The following SULT2B1 variants were observed in gnomAD, a reference collection of about 807,000 sequenced individuals.
The protein encoded by SULT2B1 is sulfotransferase family 2B member 1, also known as sulfotransferase 2B1.
In SULT2B1, 16 loss-of-function variants were observed where a neutral mutation model predicts 33.2. That is an observed-to-expected ratio of 0.48 (90% CI 0.33 to 0.73). The LOEUF (loss-of-function observed/expected upper bound fraction) is 0.73. Among genes scored for constraint, SULT2B1 ranks in the 30% least tolerant of loss-of-function variants. SULT2B1 has a pLI of 0.02. For synonymous variants in SULT2B1, 186 were observed against 200.5 expected (o/e 0.93, Z 0.61); for missense variants, 500 against 506.0 (o/e 0.99, Z 0.11).
chr19:48,580,687 C>CTGAAG (rs538421719), intron 2 of SULT2B1, among the ~76,000 whole-genome samples: 62 of 152,226 alleles, frequency 4.1e-4, no homozygotes, highest in Non-Finnish European at 6.2e-4. Context: ...GTTGCCCAGG[C>CTGAAG]TGAAGTGTAG....
At chr19:48,558,189 C>T (rs1973126065) in intron 1 of SULT2B1, among the ~76,000 whole-genome samples, 1 of 152,106 alleles carries the variant, frequency 6.6e-6, no homozygotes. Context: ...GTGACTTGCC[C>T]AGGGTCACAC....
At chr19:48,571,779 G>A (rs957143084) in intron 1 of SULT2B1, among the ~76,000 whole-genome samples, 2 of 152,134 alleles carry the variant, frequency 1.3e-5, no homozygotes, top group Non-Finnish European at 2.9e-5. Flanking sequence ...ATGGTAGGCA[G>A]AGCAGGGGAA....
intron 1 of SULT2B1, among the ~76,000 whole-genome samples, chr19:48,555,573 TCTCTCTCTC>T (rs1973088558): frequency 6.6e-6 from 1 of 150,508 alleles, no homozygotes; most frequent in East Asian, 2.0e-4. Context: ...TCTCTCTCTC[TCTCTCTCTC>T]TCTCTCTTTT....
chr19:48,581,702 C>T (rs1488143715), intron 2 of SULT2B1, among the ~76,000 whole-genome samples: 37 of 151,332 alleles, frequency 2.4e-4, no homozygotes, highest in Non-Finnish European at 4.3e-4. Context: ...TGTGATCCAC[C>T]CGCCTCGGCC....
intron 2 of SULT2B1, among the ~76,000 whole-genome samples, chr19:48,581,534 G>A (rs1601102976): frequency 7.0e-6 from 1 of 142,950 alleles, no homozygotes; most frequent in African/African-American, 2.6e-5. Context: ...GCAGTGGCGC[G>A]ATCTCAGCTG....
chr19:48,592,040 T>A (rs1973650610), intron 4 of SULT2B1, among the ~76,000 whole-genome samples: 2 of 151,944 alleles, frequency 1.3e-5, no homozygotes, highest in African/African-American at 4.8e-5. Context: ...ATGCGTGTAA[T>A]CCCAGCACTT....
At position 48,553,291 on chromosome 19, in the gene SULT2B1, G is replaced by A. The variant is rs1334923614; in HGVS notation, c.71+968G>A. 2.6e-5 allele frequency among the ~76,000 whole-genome samples: 4 copies of A among 152,114 alleles called. No individual in the cohort carries two copies. In the East Asian group the frequency reaches 5.8e-4, roughly 22 times the overall value. ...ACCAAGACCTGTTCTCAGCCCAGTT[G>A]CCTCATTCCTTTCTTATTTTATTTT... On this transcript the variant is annotated intron_variant, in intron 1 of 6. Coordinates refer to ENST00000201586, the MANE Select transcript of SULT2B1 (RefSeq NM_177973.2).
At chr19:48,581,342 C>T (rs1973484134) in intron 2 of SULT2B1, among the ~76,000 whole-genome samples, 1 of 151,718 alleles carries the variant, frequency 6.6e-6, no homozygotes, top group South Asian at 2.1e-4. Context: ...CCGCACCTGG[C>T]CATATATTCC....
chr19:48,594,089 T>A (rs1973680216), intron 5 of SULT2B1, among the ~76,000 whole-genome samples: 1 of 151,416 alleles, frequency 6.6e-6, no homozygotes, highest in South Asian at 2.1e-4. Context: ...TGAAACCCCG[T>A]CTCTGCTAAA....
At chr19:48,555,078 C>T (rs1470961541) in intron 1 of SULT2B1, among the ~76,000 whole-genome samples, 3 of 151,952 alleles carry the variant, frequency 2.0e-5, no homozygotes, top group Admixed American at 2.0e-4. Context: ...CGTGCCACTG[C>T]GCCCAGTTAA....
intron 2 of SULT2B1, among the ~76,000 whole-genome samples, chr19:48,585,640 G>C (rs532938475): frequency 6.6e-6 from 1 of 151,418 alleles, no homozygotes; most frequent in South Asian, 2.1e-4. Context: ...TTGCACTCCA[G>C]CTTGGGCAAC....
chr19:48,595,527 C>T (rs1973699477), intron 5 of SULT2B1, among the ~76,000 whole-genome samples: 1 of 152,018 alleles, frequency 6.6e-6, no homozygotes, highest in East Asian at 1.9e-4. Context: ...GCAGCCGTGG[C>T]AATGGGCCCT....
Position 48,596,799 on chromosome 19 carries a change from G to A in SULT2B1, c.706G>A (p.Ala236Thr). ...CCTGGGCCGTCCGCTGGGCAAGGAGGCACTGGGCTCCGTCGTGGCACACTC... is the reference window on the plus strand; with the variant it reads ...CCTGGGCCGTCCGCTGGGCAAGGAGACACTGGGCTCCGTCGTGGCACACTC... ...GFLGRPLGKE[A>T]LGSVVAHSTF... The change falls in exon 6 of 7, where the codon GCA (alanine) becomes ACA (threonine). Residue 236 changes from alanine to threonine, a missense_variant. By Grantham distance (58) the Ala-to-Thr change is moderately conservative. Coordinates refer to ENST00000201586, the MANE Select transcript of SULT2B1 (RefSeq NM_177973.2). The A allele has an allele frequency of 2.5e-6, 4 of 1,609,722 alleles. No individual in the cohort carries two copies. The highest frequency in any genetic ancestry group is 3.4e-6 in the Non-Finnish European group (4 of 1,179,966).
intron 1 of SULT2B1, among the ~76,000 whole-genome samples, chr19:48,570,973 C>T (rs1403705816): frequency 6.6e-6 from 1 of 151,724 alleles, no homozygotes; most frequent in Non-Finnish European, 1.5e-5. Flanking sequence ...ATCCGCCCAC[C>T]TCAGCCTCCC....
intron 1 of SULT2B1, among the ~76,000 whole-genome samples, chr19:48,558,835 C>A (rs1407826812): frequency 6.6e-6 from 1 of 151,788 alleles, no homozygotes. Flanking sequence ...CAGGCGTGCG[C>A]CACCACGCCT....
chr19:48,573,175 T>G (rs1227189283), intron 1 of SULT2B1, among the ~76,000 whole-genome samples: 1 of 147,510 alleles, frequency 6.8e-6, no homozygotes, highest in Admixed American at 6.8e-5. Context: ...AAAAAAAAAA[T>G]TTACATGTCC....
At chr19:48,590,211 A>T (rs1232640614) in intron 3 of SULT2B1, among the ~76,000 whole-genome samples, 1 of 151,926 alleles carries the variant, frequency 6.6e-6, no homozygotes, top group Non-Finnish European at 1.5e-5. Context: ...CTGGTCTCGA[A>T]CACCTGACCT....
intron 2 of SULT2B1, among the ~76,000 whole-genome samples, chr19:48,586,752 G>A (rs1023934868): frequency 1.3e-5 from 2 of 152,208 alleles, no homozygotes; most frequent in African/African-American, 4.8e-5. Context: ...ATGAGGTTAA[G>A]CAACCTTGCC....
Position 48,552,446 on chromosome 19 carries a change from A to G in SULT2B1, c.71+123A>G. On this transcript the variant is annotated intron_variant, in intron 1 of 6. Coordinates refer to ENST00000201586, the MANE Select transcript of SULT2B1 (RefSeq NM_177973.2). This position sits in a 1 kb window ranked among gnomAD's most constrained non-coding sequence, Gnocchi z 4.8. ...GCAGCCGCAGGCCTGGCCCAGACTT[A>G]GCTGGAGGGGCTGGGCTGGGCTGGG... is the stretch of plus-strand genomic sequence containing the variant. 9.8e-7 allele frequency: 1 copy of G among 1,025,328 alleles called. No homozygotes were observed. Among genetic ancestry groups the G allele is most frequent in the Non-Finnish European group, 1.4e-6 (1 of 694,072 alleles). 63.5% of individuals were successfully genotyped at this position (1,025,328 alleles called of 1,614,324 possible).
Sources: gnomAD v4.1 joint callset for allele counts (sites outside exome capture counted in the v4.1 genomes callset) on GRCh38, gnomAD v4.1.1 for gene constraint, Gnocchi (gnomAD v3.1) non-coding constraint, MANE v1.5 for transcripts, NCBI Gene and HGNC (gene_info 2026-07-23, HGNC 2026-07-21) for gene names.